Variants in ELOVL6 observed in about 807,000 individuals in gnomAD.
The protein encoded by ELOVL6 is ELOVL fatty acid elongase 6.
A neutral mutation model predicts 31.7 loss-of-function variants in ELOVL6; 8 were observed. The ratio of observed to expected loss-of-function variants is 0.25; its 90% CI spans 0.15 to 0.45. The LOEUF is 0.45. Ranked by LOEUF, ELOVL6 falls within the 20% of genes least tolerant of loss-of-function variation. The pLI is 1.00. For missense variants in ELOVL6, 126 were observed against 326.4 expected (o/e 0.39, Z 4.73); for synonymous variants, 101 against 117.7 (o/e 0.86, Z 0.92).
At chr4:110,063,333 G>A (rs1437257677) in intron 2 of ELOVL6, among the ~76,000 whole-genome samples, 2 of 152,064 alleles carry the variant, frequency 1.3e-5, no homozygotes, top group Non-Finnish European at 2.9e-5. Flanking sequence ...CTGGTGTGGC[G>A]ACCCCAAGGA....
Position 110,080,656 on chromosome 4 carries a change from T to G in ELOVL6, c.222-20902A>C, listed in dbSNP as rs566406453. Among the ~76,000 whole-genome samples, 224 of 152,058 alleles carry G rather than the reference T, an allele frequency of 1.5e-3. 3 individuals carry two copies. The South Asian group carries it at 0.019, about 13-fold the overall frequency. ...TATCATACTGAATGGGCAAAAACTG[T>G]AAGCATTCCCTTTGAAAACTGGCAC... On this transcript the variant is annotated intron_variant, in intron 2 of 3. Transcript: ENST00000302274.
chr4:110,172,012 T>C (rs1315470937), intron 1 of ELOVL6, among the ~76,000 whole-genome samples: 1 of 152,124 alleles, frequency 6.6e-6, no homozygotes, highest in Admixed American at 6.6e-5. Flanking sequence ...TATAATAAAC[T>C]AATACATGTG....
At chr4:110,184,040 T>G (rs1262687578) in intron 1 of ELOVL6, among the ~76,000 whole-genome samples, 1 of 152,182 alleles carries the variant, frequency 6.6e-6, no homozygotes, top group Admixed American at 6.5e-5. Context: ...CTGATTGGAA[T>G]AGATAGTTTG....
intron 2 of ELOVL6, among the ~76,000 whole-genome samples, chr4:110,101,445 TAGG>T (rs1756738020): frequency 6.6e-6 from 1 of 150,850 alleles, no homozygotes; most frequent in African/African-American, 2.4e-5. Flanking sequence ...CAGAATTGTG[TAGG>T]AGATTAGATA....
At chr4:110,110,401 ATTT>A (rs397878146) in intron 1 of ELOVL6, among the ~76,000 whole-genome samples, 97 of 109,728 alleles carry the variant, frequency 8.8e-4, no homozygotes, top group Middle Eastern at 5.5e-3. Flanking sequence ...TTTTCCGCAG[ATTT>A]TTTTTTTTTT....
chr4:110,107,995 A>G (rs1464278871), intron 1 of ELOVL6, among the ~76,000 whole-genome samples: 3 of 152,186 alleles, frequency 2.0e-5, no homozygotes, highest in African/African-American at 7.2e-5. Context: ...GGGGTACTTG[A>G]AGTGTTATCT....
chr4:110,145,100 G>A (rs1230172286), intron 1 of ELOVL6, among the ~76,000 whole-genome samples: 2 of 151,872 alleles, frequency 1.3e-5, no homozygotes, highest in Non-Finnish European at 2.9e-5. Context: ...GAAAGGGATG[G>A]TCTGATCAGA....
chr4:110,155,311 A>C (rs543104991), intron 1 of ELOVL6, among the ~76,000 whole-genome samples: 1 of 152,230 alleles, frequency 6.6e-6, no homozygotes, highest in African/African-American at 2.4e-5. Context: ...ATTTGGTCAC[A>C]TACTATTTAT....
At chr4:110,156,952 A>C (rs1405396463) in intron 1 of ELOVL6, among the ~76,000 whole-genome samples, 1 of 152,250 alleles carries the variant, frequency 6.6e-6, no homozygotes. Context: ...AGAAGCCATA[A>C]CAAGGCTGGT....
At chr4:110,106,470 A>G (rs1366810635) in intron 1 of ELOVL6, among the ~76,000 whole-genome samples, 2 of 152,202 alleles carry the variant, frequency 1.3e-5, no homozygotes, top group Admixed American at 1.3e-4. Context: ...GGATTTCCCC[A>G]GGAACAGAAC....
rs552717371 is a variant in ELOVL6, at chr4:110,122,333, T to C, written c.90-16705A>G. Among the ~76,000 whole-genome samples the C allele has an allele frequency of 1.1e-4, 17 of 152,314 alleles. No homozygotes were observed. The East Asian group carries it at 1.3e-3, about 12-fold the overall frequency. ...ATGGTAGATTCTAGGCTCTACAGACTGTAGGAATTTTAACAGATTTGGCAT... is the reference window on the plus strand; with the variant it reads ...ATGGTAGATTCTAGGCTCTACAGACCGTAGGAATTTTAACAGATTTGGCAT... On this transcript the variant is annotated intron_variant, in intron 1 of 3. Transcript: ENST00000302274.
At chr4:110,197,858 G>A in intron 1 of ELOVL6, 1 of 249,874 alleles carries the variant, frequency 4.0e-6, no homozygotes, top group Non-Finnish European at 7.8e-6. Context: ...CCGGTTGCGG[G>A]AGAGGCCAAG....
At chr4:110,084,239 A>ATAACATGATATATAACATG (rs1560814690) in intron 2 of ELOVL6, among the ~76,000 whole-genome samples, 2 of 93,096 alleles carry the variant, frequency 2.1e-5, no homozygotes, top group South Asian at 3.1e-4. Flanking sequence ...TATATAACAT[A>ATAACATGATATATAACATG]TATGATATAT....
chr4:110,171,104 CTCAG>C (rs1758929924), intron 1 of ELOVL6, among the ~76,000 whole-genome samples: 1 of 152,172 alleles, frequency 6.6e-6, no homozygotes, highest in Non-Finnish European at 1.5e-5. Flanking sequence ...GGGTTTCCCG[CTCAG>C]TCAATGAGTA....
At chr4:110,064,034 C>T (rs529262789) in intron 2 of ELOVL6, among the ~76,000 whole-genome samples, 31 of 147,476 alleles carry the variant, frequency 2.1e-4, no homozygotes, top group East Asian at 6.0e-4. Flanking sequence ...GCTGAGATCG[C>T]GCCATTGCAC....
At position 110,084,401 on chromosome 4, in the gene ELOVL6, G is replaced by GATATATCAC. The variant is rs1306585444; in HGVS notation, c.221+21095_221+21096insGTGATATAT. 5.7e-4 allele frequency among the ~76,000 whole-genome samples: 10 copies of GATATATCAC among 17,506 alleles called. 2 individuals are homozygous for GATATATCAC. Among genetic ancestry groups the GATATATCAC allele is most frequent in the East Asian group, 2.8e-3 (2 of 714 alleles). 11.5% of individuals were successfully genotyped at this position (17,506 alleles called of 152,430 possible). On this transcript the variant is annotated intron_variant, in intron 2 of 3. Coordinates refer to ENST00000302274, the MANE Select transcript of ELOVL6 (RefSeq NM_024090.3). ...GATATATATCGCATATATGATATAT[G>GATATATCAC]ATATATGACATACATGATATATCAC...
chr4:110,163,830 C>T (rs1578271514), intron 1 of ELOVL6, among the ~76,000 whole-genome samples: 1 of 152,144 alleles, frequency 6.6e-6, no homozygotes, highest in Non-Finnish European at 1.5e-5. Flanking sequence ...ACTTATAGAG[C>T]AATGGGAGAA....
intron 1 of ELOVL6, among the ~76,000 whole-genome samples, chr4:110,129,807 C>T (rs1336786968): frequency 2.0e-5 from 3 of 151,770 alleles, no homozygotes; most frequent in Admixed American, 1.3e-4. Flanking sequence ...GTGCTCTAGA[C>T]GTCTGTTGAG....
At chr4:110,057,854 G>GAA (rs1248115566) in intron 3 of ELOVL6, among the ~76,000 whole-genome samples, 2 of 131,710 alleles carry the variant, frequency 1.5e-5, no homozygotes, top group Non-Finnish European at 1.7e-5. Context: ...CTGTCTCAGG[G>GAA]AAAAAAAAAA....
Sources: gnomAD v4.1 joint callset for allele counts (sites outside exome capture counted in the v4.1 genomes callset) on GRCh38, gnomAD v4.1.1 for gene constraint, MANE v1.5 for transcripts, NCBI Gene and HGNC (gene_info 2026-07-23, HGNC 2026-07-21) for gene names.